The following ZNF143 variants were observed in gnomAD, a reference collection of about 807,000 sequenced individuals.
ZNF143 encodes zinc finger protein 143, also known as SPH-binding factor.
ZNF143 carries 49 observed loss-of-function variants against 74.1 expected under a neutral mutation model. The observed-to-expected ratio is 0.66, with a 90% CI of 0.53 to 0.84. The LOEUF is 0.84. Among genes scored for constraint, ZNF143 ranks in the 40% least tolerant of loss-of-function variants. The pLI is 0.00. For missense variants in ZNF143, 637 were observed against 793.4 expected (o/e 0.80, Z 2.37); for synonymous variants, 304 against 282.8 (o/e 1.07, Z -0.75).
intron 15 of ZNF143, among the ~76,000 whole-genome samples, chr11:9,526,767 A>C (rs566107583): frequency 2.2e-4 from 34 of 152,266 alleles, no homozygotes; most frequent in African/African-American, 7.9e-4. Flanking sequence ...TCAAAATCCC[A>C]AGTAAATTGC....
chr11:9,464,537 G>A (rs1856074519), intron 1 of ZNF143, among the ~76,000 whole-genome samples: 1 of 152,028 alleles, frequency 6.6e-6, no homozygotes, highest in East Asian at 1.9e-4. Context: ...GGAGGTGGAG[G>A]TTGCAGTGAG....
chr11:9,525,289 A>G lies in ZNF143; in HGVS notation c.1736A>G (p.Glu579Gly). ...GCAGCATTCCATACTGCCTCATCAG[A>G]AATGGGGCACCAGCAGCATAGCCAT... ...DLAAFHTASS[E>G]MGHQQHSHHL... Residue 579 changes from glutamate (E) to glycine (G), a missense_variant, in exon 15 of 16, where the codon GAA (glutamate) becomes GGA (glycine). Glu to Gly is a moderately conservative substitution (Grantham distance 98, BLOSUM62 -2). Transcript: ENST00000396602. 6.2e-7 allele frequency: 1 copy of G among 1,614,188 alleles called. No homozygotes were observed. The highest frequency in any genetic ancestry group is 8.5e-7 in the Non-Finnish European group (1 of 1,180,022).
intron 6 of ZNF143, among the ~76,000 whole-genome samples, chr11:9,479,248 T>C (rs1261220491): frequency 1.3e-5 from 2 of 152,106 alleles, no homozygotes; most frequent in Admixed American, 6.6e-5. Context: ...CAGATGATCC[T>C]CCTGCCTCAG....
chr11:9,479,624 T>C (rs984700021), intron 7 of ZNF143, 78 bp downstream of exon 7: 2 of 1,159,260 alleles, frequency 1.7e-6, no homozygotes, highest in Non-Finnish European at 2.5e-6. Context: ...CAAGAATAGG[T>C]AACTCACTAC....
intron 7 of ZNF143, among the ~76,000 whole-genome samples, chr11:9,485,538 A>C (rs1270277189): frequency 1.3e-5 from 2 of 151,072 alleles, no homozygotes. Context: ...AGTAGAGACA[A>C]GGTTTTGCCA....
chr11:9,493,866 G>GTGA (rs1241983391), intron 7 of ZNF143, among the ~76,000 whole-genome samples: 1 of 152,128 alleles, frequency 6.6e-6, no homozygotes, highest in Non-Finnish European at 1.5e-5. Flanking sequence ...TGATCTTCTA[G>GTGA]TGAATATAAG....
chr11:9,506,353 A>G (rs1447819415), intron 11 of ZNF143, among the ~76,000 whole-genome samples: 5 of 152,210 alleles, frequency 3.3e-5, no homozygotes, highest in Admixed American at 2.0e-4. Flanking sequence ...GAAAAAAGCA[A>G]TGGAATACAG....
chr11:9,482,876 CGTT>C, intron 7 of ZNF143, among the ~76,000 whole-genome samples: 1 of 151,346 alleles, frequency 6.6e-6, no homozygotes, highest in Middle Eastern at 3.4e-3. Context: ...ATATTGATAA[CGTT>C]GAAATGATAT....
intron 14 of ZNF143, among the ~76,000 whole-genome samples, chr11:9,523,856 T>C (rs958067894): frequency 6.6e-6 from 1 of 151,842 alleles, no homozygotes; most frequent in African/African-American, 2.4e-5. Context: ...GAGACCAGCC[T>C]GACCAACTTG....
chr11:9,472,178 C>T (rs760957544), intron 2 of ZNF143, among the ~76,000 whole-genome samples: 6 of 149,154 alleles, frequency 4.0e-5, no homozygotes, highest in Non-Finnish European at 6.0e-5. Flanking sequence ...ATCCACCCAC[C>T]TCAGCCTCCA....
chr11:9,499,131 T>C (rs1001767283), intron 10 of ZNF143, among the ~76,000 whole-genome samples: 1 of 152,232 alleles, frequency 6.6e-6, no homozygotes, highest in African/African-American at 2.4e-5. Flanking sequence ...TATTCATTTG[T>C]CAAACCACAT....
At chr11:9,514,688 A>G (rs1328516227) in intron 13 of ZNF143, among the ~76,000 whole-genome samples, 3 of 152,234 alleles carry the variant, frequency 2.0e-5, no homozygotes, top group Non-Finnish European at 4.4e-5. Context: ...GGAAGAGCAA[A>G]GTCATAAAAA....
chr11:9,482,887 TA>T (rs1244650150), intron 7 of ZNF143, among the ~76,000 whole-genome samples: 4 of 151,624 alleles, frequency 2.6e-5, no homozygotes, highest in Non-Finnish European at 4.4e-5. Context: ...GTTGAAATGA[TA>T]TTTTGGACAT....
At chr11:9,487,722 A>G (rs1356762504) in intron 7 of ZNF143, among the ~76,000 whole-genome samples, 6 of 152,158 alleles carry the variant, frequency 3.9e-5, no homozygotes, top group African/African-American at 1.4e-4. Context: ...TTTTCTATAC[A>G]TGGTTTTTAG....
chr11:9,493,317 G>A (rs542735271), intron 7 of ZNF143, among the ~76,000 whole-genome samples: 18 of 152,070 alleles, frequency 1.2e-4, no homozygotes, highest in Non-Finnish European at 2.1e-4. Flanking sequence ...TGACCCGCCC[G>A]CCTCGGCCTC....
chr11:9,508,371 T>A (rs1848432927), intron 11 of ZNF143, among the ~76,000 whole-genome samples: 1 of 152,212 alleles, frequency 6.6e-6, no homozygotes, highest in South Asian at 2.1e-4. Flanking sequence ...TCCATCCTTT[T>A]CTCATTCCTT....
intron 10 of ZNF143, among the ~76,000 whole-genome samples, chr11:9,499,146 A>G (rs1848068852): frequency 6.6e-6 from 1 of 152,240 alleles, no homozygotes; most frequent in Non-Finnish European, 1.5e-5. Flanking sequence ...CCACATGTTC[A>G]TATAACAGCT....
At chr11:9,505,457 A>T (rs1250815173) in intron 11 of ZNF143, among the ~76,000 whole-genome samples, 2 of 151,952 alleles carry the variant, frequency 1.3e-5, no homozygotes, top group African/African-American at 4.8e-5. Flanking sequence ...TTTAGTAGAG[A>T]CAGGGTTTCA....
At chr11:9,486,364 TATATATAATATATTATATATATA>T (rs1847486447) in intron 7 of ZNF143, among the ~76,000 whole-genome samples, 1 of 43,842 alleles carries the variant, frequency 2.3e-5, no homozygotes, top group Non-Finnish European at 4.5e-5. Context: ...ATATATATAT[TATATATAATATATTATATATATA>T]ATATATATAA....
Sources: allele counts gnomAD v4.1 joint callset (sites outside exome capture counted in the v4.1 genomes callset), GRCh38; gene constraint gnomAD v4.1.1; transcripts MANE v1.5; gene names NCBI Gene and HGNC (gene_info 2026-07-23, HGNC 2026-07-21).